The following ANKRD11 variants were observed in gnomAD, a reference collection of about 807,000 sequenced individuals.
The protein encoded by ANKRD11 is ankyrin repeat domain 11, also known as ankyrin repeat domain-containing protein 11.
In ANKRD11, 17 loss-of-function variants were observed where a neutral mutation model predicts 195.7. The ratio of observed to expected loss-of-function variants is 0.09; its 90% confidence interval spans 0.06 to 0.13. ANKRD11 has a LOEUF of 0.13. ANKRD11 is among the 10% of genes least tolerant of loss of function. ANKRD11 has a pLI of 1.00. For missense variants in ANKRD11, 3,735 were observed against 3,566.1 expected (o/e 1.05, Z -1.21); for synonymous variants, 1,953 against 1,528.1 (o/e 1.28, Z -6.49).
chr16:89,287,998 G>A (rs978065011), intron 7 of ANKRD11: 12 of 484,132 alleles, frequency 2.5e-5, no homozygotes, highest in South Asian at 4.6e-5. Flanking sequence ...CCGGCAGGAC[G>A]GGGCTGTCAG....
chr16:89,477,312 C>G (rs2057294006), intron 1 of ANKRD11, among the ~76,000 whole-genome samples: 2 of 151,978 alleles, frequency 1.3e-5, no homozygotes, highest in Admixed American at 1.3e-4. Flanking sequence ...CCTGCCTCAG[C>G]CTCCTCAGTA....
At chr16:89,313,607 T>A in intron 3 of ANKRD11, 1 of 1,288,686 alleles carries the variant, frequency 7.8e-7, no homozygotes, top group South Asian at 1.2e-5. Flanking sequence ...TATATTGTTT[T>A]TGATAACATA....
In ANKRD11 at chr16:89,279,138, C is replaced by T; in HGVS notation, c.7404G>A (p.Glu2468=). Residue 2468 remains glutamate, a synonymous_variant, in exon 9 of 13, where the codon GAG becomes GAA. Coordinates refer to ENST00000301030, the MANE Select transcript of ANKRD11 (RefSeq NM_013275.6). The surrounding 1 kb of genome is among the most constrained non-coding windows in gnomAD (Gnocchi z 5.6). The part of the protein sequence containing the change: ...ITPQAPQCYA[E]YVTYTGSYLL... The stretch of plus-strand genomic sequence containing the variant: ...GGTAGGAGCCCGTGTAGGTGACGTA[C>T]TCGGCGTAGCACTGGGGCGCCTGCG... The T allele has an allele frequency of 6.2e-7, 1 of 1,613,894 alleles. No homozygotes were observed. Among genetic ancestry groups the T allele is most frequent in the South Asian group, 1.1e-5 (1 of 91,074 alleles).
chr16:89,440,582 C>A (rs912866925), intron 1 of ANKRD11, among the ~76,000 whole-genome samples: 2 of 152,090 alleles, frequency 1.3e-5, no homozygotes, highest in African/African-American at 4.8e-5. Flanking sequence ...CCAATGCACT[C>A]CAACCTGGAT....
chr16:89,268,803 C>T (rs1402818340), intron 12 of ANKRD11, 140 bp from the exon 13 acceptor site: 2 of 959,958 alleles, frequency 2.1e-6, no homozygotes, highest in South Asian at 1.6e-5. Flanking sequence ...CAGCTGTACC[C>T]GCTCCTGGCA....
chr16:89,442,594 G>A (rs557707336), intron 1 of ANKRD11, among the ~76,000 whole-genome samples: 3 of 152,140 alleles, frequency 2.0e-5, no homozygotes, highest in Non-Finnish European at 2.9e-5. Flanking sequence ...ATTCAGGAAC[G>A]GTTTTACGCA....
At position 89,284,610 on chromosome 16, in the gene ANKRD11, T is replaced by A. The variant is rs754321250; in HGVS notation, c.1932A>T (p.Gly644=). 6.2e-7 allele frequency: 1 copy of A among 1,614,170 alleles called. No individual in the cohort carries two copies. Among genetic ancestry groups the A allele is most frequent in the East Asian group, 2.2e-5 (1 of 44,876 alleles). ...TKHKHKNKEK[G]QCSISQELKL... is the part of the protein sequence containing the mutation. The stretch of plus-strand genomic sequence containing the variant: ...TCAGCTCTTGGCTGATGGAACACTG[T>A]CCCTTCTCCTTGTTTTTGTGTTTGT... The change falls in exon 9 of 13, where the codon GGA becomes GGT. Residue 644 remains glycine, a synonymous_variant. Coordinates refer to ENST00000301030, the MANE Select transcript of ANKRD11 (RefSeq NM_013275.6).
Position 89,279,950 on chromosome 16 carries a change from G to C in ANKRD11, c.6592C>G (p.Arg2198Gly). ...PALPPDQAST[R>G]LPAELEPEPS... is the part of the protein sequence containing the mutation. ...TCAGGCTCGAGCTCTGCAGGGAGCC[G>C]GGTGGAGGCCTGGTCAGGAGGCAGT... Residue 2198 changes from arginine (R) to glycine (G), a missense_variant, in exon 9 of 13, where the codon CGG becomes GGG. Arg to Gly is a moderately radical substitution (Grantham distance 125). Coordinates refer to ENST00000301030, the MANE Select transcript of ANKRD11 (RefSeq NM_013275.6). The surrounding 1 kb of genome is among the most constrained non-coding windows in gnomAD (Gnocchi z 5.6). 1 of 1,610,214 alleles carries C rather than the reference G, an allele frequency of 6.2e-7. No individual in the cohort carries two copies.
intron 1 of ANKRD11, among the ~76,000 whole-genome samples, chr16:89,438,414 G>C (rs2043306557): frequency 1.3e-5 from 2 of 152,020 alleles, no homozygotes. Flanking sequence ...CCGCCTCCTG[G>C]GTTCAAGCAA....
chr16:89,441,338 T>C (rs2043454704), intron 1 of ANKRD11, among the ~76,000 whole-genome samples: 1 of 152,138 alleles, frequency 6.6e-6, no homozygotes, highest in Admixed American at 6.5e-5. Flanking sequence ...ACAGAACTTC[T>C]CAACACAGGC....
In ANKRD11 at chr16:89,279,807, G is replaced by A. The variant is rs1157605687; in HGVS notation, c.6735C>T (p.Pro2245=). The part of the protein sequence containing the change: ...PDSSVEPAPV[P]PEQRPLGSGD... ...CGCTCCCCAGTGGGCGCTGTTCTGG[G>A]GGAACGGGCGCGGGCTCCACGCTGG... Residue 2245 remains proline, a synonymous_variant, in exon 9 of 13, where the codon CCC becomes CCT. Coordinates refer to ENST00000301030, the MANE Select transcript of ANKRD11 (RefSeq NM_013275.6). The surrounding 1 kb of genome is among the most constrained non-coding windows in gnomAD (Gnocchi z 5.6). 4 of 1,541,442 alleles carry A rather than the reference G, an allele frequency of 2.6e-6. No homozygotes were observed. The African/African-American group carries it at 5.5e-5, about 21-fold the overall frequency.
intron 2 of ANKRD11, among the ~76,000 whole-genome samples, chr16:89,331,819 T>TA (rs1272082499): frequency 6.6e-6 from 1 of 152,152 alleles, no homozygotes; most frequent in Non-Finnish European, 1.5e-5. Flanking sequence ...TAGTCTAAGA[T>TA]ACGGTGATGG....
At chr16:89,445,459 C>T (rs994902998) in intron 1 of ANKRD11, among the ~76,000 whole-genome samples, 1 of 152,098 alleles carries the variant, frequency 6.6e-6, no homozygotes, top group Non-Finnish European at 1.5e-5. Flanking sequence ...TCATCCTCCA[C>T]CCCAACCTGC....
At chr16:89,462,814 G>C (rs1205728753) in intron 1 of ANKRD11, among the ~76,000 whole-genome samples, 1 of 151,484 alleles carries the variant, frequency 6.6e-6, no homozygotes, top group African/African-American at 2.4e-5. Context: ...TCTGAGAAGT[G>C]AGGAGCCCCT....
chr16:89,395,340 C>A (rs191921011), intron 2 of ANKRD11, among the ~76,000 whole-genome samples: 230 of 152,336 alleles, frequency 1.5e-3, no homozygotes, highest in African/African-American at 5.4e-3. Context: ...GTGGAAGGAA[C>A]CCTGACGGCA....
At chr16:89,313,549 C>T in intron 3 of ANKRD11, 1 of 1,289,190 alleles carries the variant, frequency 7.8e-7, no homozygotes, top group Non-Finnish European at 1.0e-6. Flanking sequence ...TTTCCATCTT[C>T]CACGTATATG....
Position 89,267,664 on chromosome 16 carries a change from T to C in ANKRD11, c.*814A>G, listed in dbSNP as rs2032748466. On this transcript the variant is annotated 3_prime_UTR_variant, in exon 13 of 13. Coordinates refer to ENST00000301030, the MANE Select transcript of ANKRD11 (RefSeq NM_013275.6). The stretch of plus-strand genomic sequence containing the variant: ...ATTTATTTATTTCTTTACACATAAC[T>C]GAAAGTGATGTTACAGTACATAAGT... The C allele has an allele frequency of 6.6e-6, 1 of 152,330 alleles. No individual in the cohort carries two copies. The highest frequency in any genetic ancestry group is 2.4e-5 in the African/African-American group (1 of 41,448). 9.4% of individuals were successfully genotyped at this position (152,330 alleles called of 1,614,324 possible).
intron 3 of ANKRD11, among the ~76,000 whole-genome samples, chr16:89,314,266 CA>C (rs201115304): frequency 0.014 from 2,082 of 151,194 alleles, 31 homozygotes; most frequent in African/African-American, 0.048. Context: ...AACAAACAAA[CA>C]AACAACAACA....
At chr16:89,316,897 C>T (rs561935464) in intron 3 of ANKRD11, 36 bp downstream of exon 3, 6 of 1,602,692 alleles carry the variant, frequency 3.7e-6, no homozygotes, top group African/African-American at 1.3e-5. Flanking sequence ...CATCTGGGTG[C>T]GGTGAGCATG....
Sources: gnomAD v4.1 joint callset for allele counts (sites outside exome capture counted in the v4.1 genomes callset) on GRCh38, gnomAD v4.1.1 for gene constraint, Gnocchi (gnomAD v3.1) non-coding constraint, MANE v1.5 for transcripts, NCBI Gene and HGNC (gene_info 2026-07-23, HGNC 2026-07-21) for gene names.